The following HPS3 variants were observed in gnomAD, a reference collection of about 807,000 sequenced individuals.
The protein encoded by HPS3 is BLOC-2 complex member HPS3.
HPS3 carries 79 observed loss-of-function variants against 110.9 expected under a neutral mutation model. The observed-to-expected ratio is 0.71, with a 90% CI of 0.59 to 0.86. The LOEUF (loss-of-function observed/expected upper bound fraction) is 0.86. HPS3 is among the 40% of genes least tolerant of loss of function. The pLI, the probability that HPS3 is intolerant of heterozygous loss-of-function variation, is 0.00. For synonymous variants in HPS3, 428 were observed against 451.0 expected, an observed-to-expected ratio of 0.95 and a Z score of 0.65; for missense variants, 1,197 against 1,206.2, an observed-to-expected ratio of 0.99 and a Z score of 0.11.
intron 5 of HPS3, among the ~76,000 whole-genome samples, chr3:149,149,373 T>G (rs1395788730): frequency 6.6e-6 from 1 of 152,140 alleles, no homozygotes; most frequent in African/African-American, 2.4e-5. Flanking sequence ...CTTCCCTCTC[T>G]CTCAGTTTAC....
rs754331855 is a variant in HPS3 at position 149,160,283 on chromosome 3, T to C, written c.2106+4T>C. 2.5e-6 allele frequency: 4 copies of C among 1,586,554 alleles called. No homozygotes were observed. In the South Asian group the frequency reaches 3.3e-5, roughly 13 times the overall value. The stretch of plus-strand genomic sequence containing the variant: ...TGAAATGAAAAGCCATTCAGAGGTA[T>C]GGAGCTCTGCCCGGTGCTAACAGAA... On this transcript the variant is annotated splice_donor_region_variant and intron_variant, in intron 11 of 16. Transcript: ENST00000296051.
intron 1 of HPS3, 121 bp downstream of exon 1, chr3:149,130,061 C>T (rs933956141): frequency 9.3e-6 from 9 of 970,490 alleles, no homozygotes; most frequent in Non-Finnish European, 6.2e-6. Context: ...CCGGAATTTG[C>T]CGGATGGTCT....
chr3:149,146,586 G>T (rs16861527), intron 5 of HPS3, among the ~76,000 whole-genome samples: 41,708 of 152,104 alleles, frequency 0.27, 6,366 homozygotes, highest in African/African-American at 0.42. Flanking sequence ...CTGAGTGGTA[G>T]TATCACAATC....
intron 6 of HPS3, among the ~76,000 whole-genome samples, chr3:149,151,210 TTTCTGCAGAGACAGG>T (rs1160675772): frequency 2.0e-5 from 3 of 150,074 alleles, no homozygotes; most frequent in African/African-American, 2.4e-5. Context: ...ATTATTTTTT[TTTCTGCAGAGACAGG>T]TTTTGCCGTG....
At chr3:149,131,810 A>G (rs933162515) in intron 1 of HPS3, among the ~76,000 whole-genome samples, 7 of 152,350 alleles carry the variant, frequency 4.6e-5, no homozygotes, top group South Asian at 2.1e-4. Flanking sequence ...CCAAACACTT[A>G]GCCAAGTTGT....
intron 11 of HPS3, among the ~76,000 whole-genome samples, chr3:149,161,298 A>C (rs183260903): frequency 3.9e-5 from 6 of 152,292 alleles, no homozygotes; most frequent in Admixed American, 3.3e-4. Context: ...AGTTACCAAC[A>C]TCCACAGAAG....
intron 5 of HPS3, among the ~76,000 whole-genome samples, chr3:149,147,453 C>T (rs1722844591): frequency 6.6e-6 from 1 of 152,104 alleles, no homozygotes; most frequent in Non-Finnish European, 1.5e-5. Flanking sequence ...TTTAAGGATG[C>T]AGAAGAATCT....
intron 11 of HPS3, 60 bp downstream of exon 11, chr3:149,160,339 G>A (rs1723708331): frequency 2.8e-6 from 3 of 1,089,818 alleles, no homozygotes; most frequent in South Asian, 2.5e-5. Context: ...ATCCTGAAGT[G>A]TTTAGCTGTC....
chr3:149,162,952 A>G, intron 13 of HPS3, 74 bp downstream of exon 13: 1 of 1,232,090 alleles, frequency 8.1e-7, no homozygotes. Context: ...ATTTTTAATA[A>G]CTTATTATAA....
At position 149,129,994 on chromosome 3, in the gene HPS3, G is replaced by A. The variant is rs373452510; in HGVS notation, c.217+54G>A. On this transcript the variant is annotated intron_variant, in intron 1 of 16. Transcript: ENST00000296051. ...CTGGGGTCCAGCTTGAGGCCTCCTAGCTAGCGGACCGAACGTCTGGGCTGT... is the reference window on the plus strand; with the variant it reads ...CTGGGGTCCAGCTTGAGGCCTCCTAACTAGCGGACCGAACGTCTGGGCTGT... 6.1e-6 allele frequency: 9 copies of A among 1,477,970 alleles called. No individual in the cohort carries two copies. The African/African-American group carries it at 7.0e-5, about 11-fold the overall frequency. 91.6% of individuals were successfully genotyped at this position (1,477,970 alleles called of 1,614,324 possible).
intron 13 of HPS3, among the ~76,000 whole-genome samples, chr3:149,163,098 G>A (rs1050629818): frequency 2.0e-5 from 3 of 152,114 alleles, no homozygotes; most frequent in African/African-American, 4.8e-5. Context: ...ACTTATTAAT[G>A]TCCCTCACTT....
At chr3:149,156,244 G>A (rs113016529) in intron 8 of HPS3, among the ~76,000 whole-genome samples, 40 of 152,220 alleles carry the variant, frequency 2.6e-4, no homozygotes, top group African/African-American at 8.9e-4. Context: ...GTACTTCAGC[G>A]TATATTTTCT....
At chr3:149,152,526 T>A (rs1723195256) in intron 6 of HPS3, among the ~76,000 whole-genome samples, 2 of 152,182 alleles carry the variant, frequency 1.3e-5, no homozygotes, top group South Asian at 4.1e-4. Context: ...CCTCCTTTCC[T>A]GGGACTCCAC....
rs374361104 is a variant in HPS3, at chr3:149,155,110, G to A, written c.1404G>A (p.Ser468=). ...ERRQSPKRLL[S]RKDTSVKIKI... is the part of the protein sequence containing the mutation. ...TTGTCCTTTGTTTTGCTTTTAGTTC[G>A]AGAAAAGATACCAGTGTTAAAATCA... The change falls in exon 8 of 17, where the codon TCG becomes TCA. Residue 468 remains serine, a synonymous_variant. Transcript: ENST00000296051. The A allele has an allele frequency of 2.2e-5, 35 of 1,575,414 alleles. No homozygotes were observed. The highest frequency in any genetic ancestry group is 2.9e-5 in the Non-Finnish European group (33 of 1,145,222).
chr3:149,137,102 A>C (rs1401904160), intron 1 of HPS3, among the ~76,000 whole-genome samples: 5 of 152,216 alleles, frequency 3.3e-5, no homozygotes. Flanking sequence ...GAATATATAC[A>C]ATAAAGAACT....
At position 149,160,103 on chromosome 3, in the gene HPS3, C is replaced by T; in HGVS notation, c.1930C>T (p.His644Tyr). 3 of 1,613,942 alleles carry T rather than the reference C, an allele frequency of 1.9e-6. No individual in the cohort carries two copies. The highest frequency in any genetic ancestry group is 2.5e-6 in the Non-Finnish European group (3 of 1,179,876). The stretch of plus-strand genomic sequence containing the variant: ...TGTGGCTGAGCCAAAGCAAGTGCCC[C>T]ATATTCTCTGTAGTCCTTCTATGAA... ...FYVAEPKQVP[H>Y]ILCSPSMKNI... The change falls in exon 11 of 17, where the codon CAT becomes TAT. Residue 644 changes from histidine (H) to tyrosine (Y), a missense_variant. His to Tyr is a moderately conservative substitution (Grantham distance 83, BLOSUM62 2). Transcript: ENST00000296051.
intron 15 of HPS3, 146 bp downstream of exon 15, chr3:149,167,386 T>A: frequency 1.4e-6 from 1 of 701,606 alleles, no homozygotes; most frequent in Non-Finnish European, 2.6e-6. Context: ...ATGTTTAATA[T>A]GTTACGTGTT....
chr3:149,157,206 T>G (rs1203938464), intron 8 of HPS3, 144 bp from the exon 9 acceptor site: 1 of 747,258 alleles, frequency 1.3e-6, no homozygotes, highest in African/African-American at 1.7e-5. Context: ...CTTGTCAGAA[T>G]GGTGAATAAC....
chr3:149,131,658 T>A (rs1393153847), intron 1 of HPS3, among the ~76,000 whole-genome samples: 2 of 152,124 alleles, frequency 1.3e-5, no homozygotes, highest in Non-Finnish European at 2.9e-5. Context: ...TCAGGCCAAT[T>A]AATAACCCTA....
Sources: allele counts gnomAD v4.1 joint callset (sites outside exome capture counted in the v4.1 genomes callset), GRCh38; gene constraint gnomAD v4.1.1; transcripts MANE v1.5; gene names NCBI Gene and HGNC (gene_info 2026-07-23, HGNC 2026-07-21).